UCK2: variants seen among roughly 807,000 people sequenced by gnomAD.
UCK2 encodes uridine-cytidine kinase 2.
UCK2 carries 6 observed loss-of-function variants against 30.8 expected under a neutral mutation model. That is an observed-to-expected ratio of 0.19 (90% CI 0.11 to 0.38). UCK2 has a LOEUF of 0.38. Among genes scored for constraint, UCK2 ranks in the 10% least tolerant of loss-of-function variants. UCK2 has a pLI of 1.00. For missense variants in UCK2, 210 were observed against 339.8 expected (o/e 0.62, Z 3.00); for synonymous variants, 125 against 133.6 (o/e 0.94, Z 0.45).
At chr1:165,868,150 G>A (rs1457887331) in intron 1 of UCK2, among the ~76,000 whole-genome samples, 1 of 152,170 alleles carries the variant, frequency 6.6e-6, no homozygotes, top group African/African-American at 2.4e-5. Context: ...ATGAGCAATA[G>A]GTCTCAACAG....
At chr1:165,886,358 G>A (rs190220824) in intron 1 of UCK2, among the ~76,000 whole-genome samples, 1 of 152,216 alleles carries the variant, frequency 6.6e-6, no homozygotes, top group Non-Finnish European at 1.5e-5. Context: ...GCAGTGGCAT[G>A]ATCATGGCTC....
At chr1:165,862,412 A>G (rs4657482) in intron 1 of UCK2, among the ~76,000 whole-genome samples, 101,721 of 152,044 alleles carry the variant, frequency 0.67, 34,204 homozygotes, top group South Asian at 0.76. Flanking sequence ...GAGGCGAATG[A>G]AGATCATGGG....
At chr1:165,898,654 A>G (rs1482231076) in intron 4 of UCK2, among the ~76,000 whole-genome samples, 1 of 152,244 alleles carries the variant, frequency 6.6e-6, no homozygotes, top group African/African-American at 2.4e-5. Context: ...AGTTTTGAGC[A>G]GCAGCAAGAC....
chr1:165,850,927 ATTTTTTTTTTT>A lies in UCK2; in HGVS notation c.99+23012_99+23022del, dbSNP rs61491030. Among the ~76,000 whole-genome samples the A allele has an allele frequency of 5.3e-4, 58 of 109,936 alleles. No individual in the cohort carries two copies. In the Middle Eastern group the frequency reaches 0.016, roughly 31 times the overall value. The allele number at this position is 109,936 out of a possible 152,430, so 72.1% of individuals were successfully genotyped here. On this transcript the variant is annotated intron_variant, in intron 1 of 6. Coordinates refer to ENST00000367879, the MANE Select transcript of UCK2 (RefSeq NM_012474.5). Reference sequence around the variant, plus strand: ...GTGAGCCACCACGCCTGGCCTTTAAATTTTTTTTTTTTTTTTTTTTTTTTTTTAATAGAGAA... The same window carrying A: ...GTGAGCCACCACGCCTGGCCTTTAAATTTTTTTTTTTTTTTTAATAGAGAA...
intron 1 of UCK2, among the ~76,000 whole-genome samples, chr1:165,878,941 G>A (rs896688899): frequency 1.3e-5 from 2 of 152,216 alleles, no homozygotes; most frequent in Non-Finnish European, 2.9e-5. Flanking sequence ...CCAGCAATGA[G>A]TGAGAGTTCC....
intron 1 of UCK2, among the ~76,000 whole-genome samples, chr1:165,828,286 C>T (rs1343592220): frequency 9.8e-5 from 15 of 152,286 alleles, no homozygotes; most frequent in Admixed American, 9.8e-4. Flanking sequence ...GGGGAGAGGG[C>T]TTTCCGCAGG....
At chr1:165,867,293 A>G (rs1319027343) in intron 1 of UCK2, among the ~76,000 whole-genome samples, 8 of 152,174 alleles carry the variant, frequency 5.3e-5, no homozygotes, top group Admixed American at 5.2e-4. Flanking sequence ...TAGGGTGGCT[A>G]TTGCAATTTC....
chr1:165,857,663 G>A (rs536842226), intron 1 of UCK2, among the ~76,000 whole-genome samples: 4 of 152,324 alleles, frequency 2.6e-5, no homozygotes, highest in South Asian at 2.1e-4. Flanking sequence ...CACCTGGTAC[G>A]TAGCAGGAGT....
intron 3 of UCK2, chr1:165,894,397 A>G (rs1655842070): frequency 6.6e-6 from 1 of 152,130 alleles, no homozygotes; most frequent in African/African-American, 2.4e-5. Context: ...GAACTTCTCT[A>G]GGTTGCCTTC....
rs1341506835 is a variant in UCK2, at chr1:165,909,668, A to G, written c.*1845A>G. The G allele has an allele frequency of 5.3e-5, 8 of 152,306 alleles. No individual in the cohort carries two copies. Among genetic ancestry groups the G allele is most frequent in the Admixed American group, 5.2e-4 (8 of 15,282 alleles). 9.4% of individuals were successfully genotyped at this position (152,306 alleles called of 1,614,324 possible). A position where few individuals can be genotyped will look rare whatever the true frequency, so the allele number is the denominator to read the frequency against. On this transcript the variant is annotated 3_prime_UTR_variant, in exon 7 of 7. Coordinates refer to ENST00000367879, the MANE Select transcript of UCK2 (RefSeq NM_012474.5). ...TACTTGGAGCAAGGGAAGGCTCCCA[A>G]GATGCCTCCTTTGAAAGCCGGTGCT...
intron 1 of UCK2, among the ~76,000 whole-genome samples, chr1:165,881,264 C>G (rs1260414971): frequency 1.4e-5 from 2 of 145,262 alleles, no homozygotes; most frequent in African/African-American, 5.1e-5. Context: ...TCCAGATTTT[C>G]TCTGTCATGT....
At chr1:165,888,891 T>G (rs929670692) in intron 1 of UCK2, among the ~76,000 whole-genome samples, 1 of 152,220 alleles carries the variant, frequency 6.6e-6, no homozygotes, top group African/African-American at 2.4e-5. Context: ...AAGAAATCAG[T>G]TATTTGATAA....
In UCK2 at chr1:165,864,146, C is replaced by A. The variant is rs189233835; in HGVS notation, c.100-26058C>A. On this transcript the variant is annotated intron_variant, in intron 1 of 6. Transcript: ENST00000367879. ...TATTTTTAGTAGAGACAGGCTTTCA[C>A]CATGTTGGTCAGGCTGGTCTCGAAC... 3.0e-3 allele frequency among the ~76,000 whole-genome samples: 451 copies of A among 152,276 alleles called. 1 individual carries two copies. Among genetic ancestry groups the A allele is most frequent in the Admixed American group, 5.9e-3 (91 of 15,300 alleles).
intron 1 of UCK2, among the ~76,000 whole-genome samples, chr1:165,862,469 G>T (rs1046025246): frequency 2.6e-5 from 4 of 152,204 alleles, no homozygotes; most frequent in Admixed American, 2.6e-4. Flanking sequence ...TTCAGGATTA[G>T]CAGTGTTTCA....
chr1:165,905,785 A>G, intron 5 of UCK2, 136 bp from the exon 6 acceptor site: 1 of 615,634 alleles, frequency 1.6e-6, no homozygotes, highest in Middle Eastern at 4.1e-4. Flanking sequence ...AAACAATATT[A>G]TATTTGAAGC....
intron 1 of UCK2, among the ~76,000 whole-genome samples, chr1:165,873,562 C>CT (rs1655255766): frequency 1.3e-5 from 2 of 152,176 alleles, no homozygotes; most frequent in African/African-American, 4.8e-5. Flanking sequence ...CTGACCTTCT[C>CT]TTTTTTCACT....
chr1:165,886,537 C>T (rs893458039), intron 1 of UCK2, among the ~76,000 whole-genome samples: 2 of 152,208 alleles, frequency 1.3e-5, no homozygotes. Context: ...TCAAGTGATC[C>T]TCCTGCCCTA....
chr1:165,847,330 T>A (rs1398618361), intron 1 of UCK2, among the ~76,000 whole-genome samples: 1 of 152,174 alleles, frequency 6.6e-6, no homozygotes, highest in African/African-American at 2.4e-5. Context: ...ATTGAAATGT[T>A]TTCTGGTATA....
intron 1 of UCK2, among the ~76,000 whole-genome samples, chr1:165,889,346 G>A (rs1199216244): frequency 6.6e-6 from 1 of 152,228 alleles, no homozygotes; most frequent in Non-Finnish European, 1.5e-5. Flanking sequence ...AAAGAGATGT[G>A]CAGGGGCTGA....
Sources: allele counts gnomAD v4.1 joint callset (sites outside exome capture counted in the v4.1 genomes callset), GRCh38; gene constraint gnomAD v4.1.1; transcripts MANE v1.5; gene names NCBI Gene and HGNC (gene_info 2026-07-23, HGNC 2026-07-21).